KLF11: variants seen among roughly 807,000 people sequenced by gnomAD.
KLF11 encodes KLF transcription factor 11, also known as Krueppel-like factor 11.
A neutral mutation model predicts 29.9 loss-of-function variants in KLF11; 26 were observed. The ratio of observed to expected loss-of-function variants is 0.87; its 90% CI spans 0.64 to 1.21. The LOEUF (loss-of-function observed/expected upper bound fraction) is 1.21. Among genes scored for constraint, KLF11 ranks in the 50% most tolerant of loss-of-function variants. The pLI is 0.00. For synonymous variants in KLF11, 318 were observed against 257.4 expected, an observed-to-expected ratio of 1.24 and a Z score of -2.25; for missense variants, 778 against 665.7, an observed-to-expected ratio of 1.17 and a Z score of -1.86.
In KLF11 at chr2:10,045,398, A is replaced by G. The variant is rs141353661; in HGVS notation, c.43-752A>G. Among the ~76,000 whole-genome samples, 974 of 150,798 alleles carry G rather than the reference A, an allele frequency of 6.5e-3. 14 individuals are homozygous for G. Among genetic ancestry groups the G allele is most frequent in the African/African-American group, 0.022 (920 of 40,998 alleles). On this transcript the variant is annotated intron_variant, in intron 1 of 3. Coordinates refer to ENST00000305883, the MANE Select transcript of KLF11 (RefSeq NM_003597.5). ...AACATAGCAAAACTCTCTTTCTACTAAAAATACAAAAATTACCCAAGTGTG... is the reference window on the plus strand; with the variant it reads ...AACATAGCAAAACTCTCTTTCTACTGAAAATACAAAAATTACCCAAGTGTG...
Position 10,043,617 on chromosome 2 carries a change from G to T in KLF11, c.-100G>T. 4 of 834,392 alleles carry T rather than the reference G, an allele frequency of 4.8e-6. No homozygotes were observed. Among genetic ancestry groups the T allele is most frequent in the Non-Finnish European group, 4.3e-6 (3 of 695,556 alleles). 51.7% of individuals were successfully genotyped at this position (834,392 alleles called of 1,614,324 possible). On this transcript the variant is annotated 5_prime_UTR_variant, in exon 1 of 4. Transcript: ENST00000305883. Reference sequence around the variant, plus strand: ...GGCGCGTGCCGGCCGCAGGAGCTCCGGGTTGCCGCCGCCGCCGCCGCCCGC... The same window carrying T: ...GGCGCGTGCCGGCCGCAGGAGCTCCTGGTTGCCGCCGCCGCCGCCGCCCGC...
At chr2:10,050,971 G>A (rs1430163985) in intron 3 of KLF11, among the ~76,000 whole-genome samples, 3 of 119,292 alleles carry the variant, frequency 2.5e-5, no homozygotes, top group East Asian at 2.9e-4. Context: ...GCGCGATCTC[G>A]GCTCACTGCA....
intron 1 of KLF11, among the ~76,000 whole-genome samples, chr2:10,044,809 G>A (rs979478612): frequency 2.7e-4 from 41 of 152,150 alleles, no homozygotes; most frequent in Non-Finnish European, 4.4e-4. Flanking sequence ...TTTTGGAAGA[G>A]ATCAGCTCAT....
rs1296995115 is a variant in KLF11, at chr2:10,052,294, A to C, written c.1326A>C (p.Ser442=). The stretch of plus-strand genomic sequence containing the variant: ...AGTTTGCTCGTTCGGATGAGCTGTC[A>C]CGCCACCGCAGAACTCACACAGGGG... ...DKKFARSDEL[S]RHRRTHTGEK... is the part of the protein sequence containing the mutation. The change falls in exon 4 of 4, where the codon TCA becomes TCC. Residue 442 remains serine, a synonymous_variant. Coordinates refer to ENST00000305883, the MANE Select transcript of KLF11 (RefSeq NM_003597.5). The C allele has an allele frequency of 6.2e-7, 1 of 1,614,138 alleles. No individual in the cohort carries two copies. The highest frequency in any genetic ancestry group is 8.5e-7 in the Non-Finnish European group (1 of 1,180,026).
At chr2:10,043,863 G>C in intron 1 of KLF11, 105 bp downstream of exon 1, 3 of 1,149,364 alleles carry the variant, frequency 2.6e-6, no homozygotes, top group Non-Finnish European at 3.3e-6. Context: ...GGTGGGGCGT[G>C]CAGGGCTTCG....
rs1330187669 is a variant in KLF11 at position 10,043,729 on chromosome 2, G to A, written c.13G>A (p.Asp5Asn). ...GCCGGCCTGCACGATGCACACGCCG[G>A]ACTTCGCAGGCCCAGACGACGCGCG... The part of the protein sequence containing the change: MHTP[D>N]FAGPDDARAV... The change falls in exon 1 of 4, where the codon GAC (aspartate) becomes AAC (asparagine). Residue 5 changes from aspartate (D) to asparagine (N), a missense_variant. Physicochemically the swap from Asp to Asn is conservative, Grantham distance 23. Transcript: ENST00000305883. 2.2e-6 allele frequency: 3 copies of A among 1,381,776 alleles called. No homozygotes were observed. The highest frequency in any genetic ancestry group is 3.7e-5 in the East Asian group (1 of 26,912). 85.6% of individuals were successfully genotyped at this position (1,381,776 alleles called of 1,614,324 possible). A position where few individuals can be genotyped will look rare whatever the true frequency, so the allele number is the denominator to read the frequency against.
chr2:10,052,562 G>A lies in KLF11; in HGVS notation c.*55G>A. On this transcript the variant is annotated 3_prime_UTR_variant, in exon 4 of 4. Transcript: ENST00000305883. ...TTTTAAAAAGCCTCTTTCCAGGAAT[G>A]GAACTGATGGATTCCTCTCCCACTG... The A allele has an allele frequency of 6.4e-7, 1 of 1,569,182 alleles. No individual in the cohort carries two copies. The highest frequency in any genetic ancestry group is 8.7e-7 in the Non-Finnish European group (1 of 1,149,352).
At chr2:10,051,806 T>C (rs186588824) in intron 3 of KLF11, among the ~76,000 whole-genome samples, 10 of 152,254 alleles carry the variant, frequency 6.6e-5, no homozygotes, top group South Asian at 4.1e-4. Context: ...CGTGAGCCAC[T>C]GCGCCTGGCT....
At position 10,044,070 on chromosome 2, in the gene KLF11, G is replaced by T. The variant is rs377128217; in HGVS notation, c.42+312G>T. On this transcript the variant is annotated intron_variant, in intron 1 of 3. Transcript: ENST00000305883. ...TGACGTCACCCCGGTCCTGTGAGCC[G>T]GACGGCCGTTGGGCGGGGGAGCGGC... 20 of 712,242 alleles carry T rather than the reference G, an allele frequency of 2.8e-5. No homozygotes were observed. In the East Asian group the frequency reaches 3.8e-4, roughly 14 times the overall value. The allele number at this position is 712,242 out of a possible 1,614,324, so 44.1% of individuals were successfully genotyped here.
chr2:10,045,425 TGGC>T (rs905986850), intron 1 of KLF11, among the ~76,000 whole-genome samples: 172 of 145,524 alleles, frequency 1.2e-3, no homozygotes, highest in African/African-American at 4.0e-3. Context: ...CCAAGTGTGG[TGGC>T]GGGCACTGCA....
chr2:10,047,621 AC>A (rs771130585), intron 2 of KLF11, 28 bp from the exon 3 acceptor site: 6 of 1,578,714 alleles, frequency 3.8e-6, no homozygotes, highest in Non-Finnish European at 1.7e-6. Context: ...ATTTAAAGCA[AC>A]CTTTTAACAT....
Position 10,047,173 on chromosome 2 carries a change from A to G in KLF11, c.313-477A>G, listed in dbSNP as rs559346885. 3.3e-5 allele frequency among the ~76,000 whole-genome samples: 5 copies of G among 152,338 alleles called. No homozygotes were observed. In the East Asian group the frequency reaches 9.6e-4, roughly 29 times the overall value. On this transcript the variant is annotated intron_variant, in intron 2 of 3. Transcript: ENST00000305883. ...AATGTGAGTTCTGTGAGTTGGGTGC[A>G]GTAAGTCACTCTTGCTTTTTGTTTT...
chr2:10,050,919 T>TG (rs1661385085), intron 3 of KLF11, among the ~76,000 whole-genome samples: 1 of 135,016 alleles, frequency 7.4e-6, no homozygotes, highest in Non-Finnish European at 1.6e-5. Context: ...TTTTTTTTTT[T>TG]GAGATGGAAT....
chr2:10,049,858 G>A (rs1661349955), intron 3 of KLF11, among the ~76,000 whole-genome samples: 1 of 152,156 alleles, frequency 6.6e-6, no homozygotes, highest in Admixed American at 6.5e-5. Flanking sequence ...GATGGACGTG[G>A]GGCTGTGTCA....
In KLF11 at chr2:10,054,836, G is replaced by C. The variant is rs1661506895; in HGVS notation, c.*2329G>C. On this transcript the variant is annotated 3_prime_UTR_variant, in exon 4 of 4. Coordinates refer to ENST00000305883, the MANE Select transcript of KLF11 (RefSeq NM_003597.5). Reference sequence around the variant, plus strand: ...ATCATATAAAACTTGATTTTACATTGGATGTGTGTCCTGTGTCATTTAACT... The same window carrying C: ...ATCATATAAAACTTGATTTTACATTCGATGTGTGTCCTGTGTCATTTAACT... 6.6e-6 allele frequency: 1 copy of C among 152,236 alleles called. No individual in the cohort carries two copies. The highest frequency in any genetic ancestry group is 1.5e-5 in the Non-Finnish European group (1 of 68,042). 9.4% of individuals were successfully genotyped at this position (152,236 alleles called of 1,614,324 possible). A position where few individuals can be genotyped will look rare whatever the true frequency, so the allele number is the denominator to read the frequency against.
chr2:10,052,748 A>G lies in KLF11; in HGVS notation c.*241A>G, dbSNP rs191010106. 1.2e-3 allele frequency: 613 copies of G among 494,508 alleles called. 2 individuals carry two copies. Among genetic ancestry groups the G allele is most frequent in the African/African-American group, 9.2e-3 (473 of 51,398 alleles). The allele number at this position is 494,508 out of a possible 1,614,324, so 30.6% of individuals were successfully genotyped here. On this transcript the variant is annotated 3_prime_UTR_variant, in exon 4 of 4. Transcript: ENST00000305883. Reference sequence around the variant, plus strand: ...GGTTTTTTTTTTAAAGAAATGGTAGAAAATTTGATAATCTGAATCACCAGC... The same window carrying G: ...GGTTTTTTTTTTAAAGAAATGGTAGGAAATTTGATAATCTGAATCACCAGC...
rs751202965 is a variant in KLF11 at position 10,048,182 on chromosome 2, C to T, written c.845C>T (p.Ala282Val). 2 of 1,614,180 alleles carry T rather than the reference C, an allele frequency of 1.2e-6. No individual in the cohort carries two copies. The highest frequency in any genetic ancestry group is 1.6e-4 in the Middle Eastern group (1 of 6,062). ...TTPLISVSVP[A>V]PPVLCQMIPV... ...CCTCTGATTTCTGTCTCTGTCCCTG[C>T]TCCCCCTGTCCTTTGCCAGATGATC... is the stretch of plus-strand genomic sequence containing the variant. The change falls in exon 3 of 4, where the codon GCT becomes GTT. Residue 282 changes from alanine (A) to valine (V), a missense_variant. Physicochemically the swap from Ala to Val is moderately conservative, Grantham distance 64. Coordinates refer to ENST00000305883, the MANE Select transcript of KLF11 (RefSeq NM_003597.5).
chr2:10,050,407 CAAAA>C (rs34801840), intron 3 of KLF11, among the ~76,000 whole-genome samples: 11 of 115,878 alleles, frequency 9.5e-5, no homozygotes, highest in African/African-American at 6.6e-5. Context: ...ACTCTTATCT[CAAAA>C]AAAAAAAAAA....
chr2:10,052,966 C>A lies in KLF11; in HGVS notation c.*459C>A. The A allele has an allele frequency of 5.7e-6, 2 of 350,734 alleles. No homozygotes were observed. The highest frequency in any genetic ancestry group is 1.0e-5 in the Non-Finnish European group (2 of 197,228). The allele number at this position is 350,734 out of a possible 1,614,324, so 21.7% of individuals were successfully genotyped here. On this transcript the variant is annotated 3_prime_UTR_variant, in exon 4 of 4. Coordinates refer to ENST00000305883, the MANE Select transcript of KLF11 (RefSeq NM_003597.5). The stretch of plus-strand genomic sequence containing the variant: ...CAGCCTTCTTTTCAGTGTTTAATAA[C>A]AAAGTTTTTCCTAATGGCCCTTCTT...
Sources: gnomAD v4.1 joint callset for allele counts (sites outside exome capture counted in the v4.1 genomes callset) on GRCh38, gnomAD v4.1.1 for gene constraint, MANE v1.5 for transcripts, NCBI Gene and HGNC (gene_info 2026-07-23, HGNC 2026-07-21) for gene names.